Variants in STX12 observed in about 807,000 individuals in gnomAD.
STX12 encodes the protein syntaxin 12.
In STX12, 17 loss-of-function variants were observed where a neutral mutation model predicts 42.2. The observed-to-expected ratio is 0.40, with a 90% confidence interval of 0.28 to 0.60. STX12 has a LOEUF of 0.60. STX12 is among the 20% of genes least tolerant of loss of function. STX12 has a pLI of 0.39. For synonymous variants in STX12, 108 were observed against 116.7 expected (o/e 0.93, Z 0.48); for missense variants, 297 against 330.9 (o/e 0.90, Z 0.79).
intron 6 of STX12, among the ~76,000 whole-genome samples, 166 bp downstream of exon 6, chr1:27,812,434 G>GT (rs201898521): frequency 8.0e-5 from 11 of 137,086 alleles, no homozygotes; most frequent in East Asian, 4.2e-4. Context: ...TGAACTACCG[G>GT]TTTTTTTTGT....
chr1:27,791,362 A>G (rs964629868), intron 2 of STX12, among the ~76,000 whole-genome samples: 2 of 152,236 alleles, frequency 1.3e-5, no homozygotes, highest in Non-Finnish European at 2.9e-5. Flanking sequence ...CCTGGAACCA[A>G]TCCCCCGTGG....
intron 1 of STX12, among the ~76,000 whole-genome samples, chr1:27,781,081 T>G (rs1338140242): frequency 6.6e-6 from 1 of 152,194 alleles, no homozygotes; most frequent in East Asian, 1.9e-4. Context: ...TCTTGCTCTG[T>G]CACTCAGGCT....
At chr1:27,812,363 G>A (rs925996462) in intron 6 of STX12, 95 bp downstream of exon 6, 4 of 896,112 alleles carry the variant, frequency 4.5e-6, no homozygotes, top group African/African-American at 3.4e-5. Context: ...TTATGAAAAG[G>A]CATAAAATGT....
chr1:27,811,800 G>A (rs2088905117), intron 5 of STX12, among the ~76,000 whole-genome samples: 1 of 152,160 alleles, frequency 6.6e-6, no homozygotes, highest in African/African-American at 2.4e-5. Flanking sequence ...CTTTGAGAGT[G>A]CCCTGGAAGA....
intron 1 of STX12, among the ~76,000 whole-genome samples, chr1:27,789,238 ATATCTGGCC>A (rs1406587628): frequency 6.6e-6 from 1 of 152,072 alleles, no homozygotes; most frequent in Non-Finnish European, 1.5e-5. Context: ...TTGCAAATTG[ATATCTGGCC>A]TAGAGGCCCT....
intron 1 of STX12, among the ~76,000 whole-genome samples, chr1:27,787,381 G>C (rs1051718891): frequency 6.6e-6 from 1 of 152,108 alleles, no homozygotes; most frequent in Non-Finnish European, 1.5e-5. Flanking sequence ...ACTACTGGCC[G>C]GGTGCAGTGG....
Position 27,792,254 on chromosome 1 carries a change from G to A in STX12, c.189-1279G>A, listed in dbSNP as rs1166904890. 3.7e-4 allele frequency among the ~76,000 whole-genome samples: 29 copies of A among 78,654 alleles called. 2 individuals are homozygous for A. The South Asian group carries it at 8.5e-3, about 23-fold the overall frequency. The allele number at this position is 78,654 out of a possible 152,430, so 51.6% of individuals were successfully genotyped here. A position where few individuals can be genotyped will look rare whatever the true frequency, so the allele number is the denominator to read the frequency against. On this transcript the variant is annotated intron_variant, in intron 2 of 8. Transcript: ENST00000373943. ...TACATATATATGTATCTATATATATGTAGATACATATATATGTATCTATAT... is the reference window on the plus strand; with the variant it reads ...TACATATATATGTATCTATATATATATAGATACATATATATGTATCTATAT...
chr1:27,804,855 T>G (rs2088852649), intron 4 of STX12, among the ~76,000 whole-genome samples: 1 of 152,060 alleles, frequency 6.6e-6, no homozygotes, highest in African/African-American at 2.4e-5. Context: ...CTGGGTAATT[T>G]ACTTTAATTT....
intron 5 of STX12, 105 bp from the exon 6 acceptor site, chr1:27,812,058 C>T: frequency 1.1e-6 from 1 of 906,484 alleles, no homozygotes; most frequent in Non-Finnish European, 1.8e-6. Context: ...GACTGGAGCC[C>T]TGGTAATGTC....
At chr1:27,783,297 C>T (rs752616496) in intron 1 of STX12, among the ~76,000 whole-genome samples, 1 of 152,018 alleles carries the variant, frequency 6.6e-6, no homozygotes, top group East Asian at 1.9e-4. Flanking sequence ...GAGAGGTCAG[C>T]GATAGGAGAA....
chr1:27,781,200 C>A (rs553892423), intron 1 of STX12, among the ~76,000 whole-genome samples: 181 of 152,064 alleles, frequency 1.2e-3, no homozygotes, highest in African/African-American at 4.3e-3. Flanking sequence ...CATGCCACCA[C>A]GCCCAGCTAA....
At chr1:27,778,787 GTCTC>G (rs2088644596) in intron 1 of STX12, among the ~76,000 whole-genome samples, 2 of 152,072 alleles carry the variant, frequency 1.3e-5, no homozygotes, top group African/African-American at 4.8e-5. Context: ...AAGAGTGGAG[GTCTC>G]ACTCTGTCAC....
At position 27,823,093 on chromosome 1, in the gene STX12, A is replaced by T. The variant is rs1449488752; in HGVS notation, c.*764A>T. 6.6e-6 allele frequency: 1 copy of T among 152,264 alleles called. No homozygotes were observed. Among genetic ancestry groups the T allele is most frequent in the Admixed American group, 6.5e-5 (1 of 15,284 alleles). The allele number at this position is 152,264 out of a possible 1,614,324, so 9.4% of individuals were successfully genotyped here. A position where few individuals can be genotyped will look rare whatever the true frequency, so the allele number is the denominator to read the frequency against. On this transcript the variant is annotated 3_prime_UTR_variant, in exon 9 of 9. Coordinates refer to ENST00000373943, the MANE Select transcript of STX12 (RefSeq NM_177424.3). ...CCCTCTCCCACCTGTCTGCATAGAA[A>T]GGCAGAATTAGACATAGCATGCTTT... is the stretch of plus-strand genomic sequence containing the variant.
chr1:27,786,456 C>A (rs1451765781), intron 1 of STX12, among the ~76,000 whole-genome samples: 1 of 152,130 alleles, frequency 6.6e-6, no homozygotes, highest in Non-Finnish European at 1.5e-5. Context: ...GAATTTATTT[C>A]TTTTTATACT....
chr1:27,796,679 G>A (rs938661372), intron 3 of STX12, among the ~76,000 whole-genome samples: 2 of 150,188 alleles, frequency 1.3e-5, no homozygotes, highest in African/African-American at 4.9e-5. Flanking sequence ...GGCATGAACT[G>A]CCATACCAGG....
At chr1:27,819,211 G>A (rs534357120) in intron 7 of STX12, among the ~76,000 whole-genome samples, 6 of 149,686 alleles carry the variant, frequency 4.0e-5, no homozygotes, top group African/African-American at 1.2e-4. Flanking sequence ...GGAGGCTACG[G>A]TGAACTATTA....
At chr1:27,787,395 A>G (rs2088706607) in intron 1 of STX12, among the ~76,000 whole-genome samples, 1 of 152,170 alleles carries the variant, frequency 6.6e-6, no homozygotes, top group South Asian at 2.1e-4. Flanking sequence ...GCAGTGGCTC[A>G]ACCCTGCAAT....
Position 27,822,539 on chromosome 1 carries a change from G to T in STX12, c.*210G>T. 2.2e-6 allele frequency: 1 copy of T among 448,344 alleles called. No individual in the cohort carries two copies. Among genetic ancestry groups the T allele is most frequent in the Non-Finnish European group, 4.0e-6 (1 of 248,212 alleles). 27.8% of individuals were successfully genotyped at this position (448,344 alleles called of 1,614,324 possible). On this transcript the variant is annotated 3_prime_UTR_variant, in exon 9 of 9. Coordinates refer to ENST00000373943, the MANE Select transcript of STX12 (RefSeq NM_177424.3). ...TGATTCTATTGATTTCTCAAATTAG[G>T]AATTAACTTATGTGGATTTTGCTTC...
At chr1:27,802,372 A>G (rs879554318) in intron 4 of STX12, among the ~76,000 whole-genome samples, 1 of 152,212 alleles carries the variant, frequency 6.6e-6, no homozygotes, top group Non-Finnish European at 1.5e-5. Flanking sequence ...GAGAGAATAT[A>G]AAAGAAGGTA....
Sources: gnomAD v4.1 joint callset for allele counts (sites outside exome capture counted in the v4.1 genomes callset) on GRCh38, gnomAD v4.1.1 for gene constraint, MANE v1.5 for transcripts, NCBI Gene and HGNC (gene_info 2026-07-23, HGNC 2026-07-21) for gene names.